Variants in PARD3B observed in about 807,000 individuals in gnomAD.
PARD3B encodes par-3 family cell polarity regulator beta, also known as partitioning defective 3 homolog B.
A neutral mutation model predicts 130.2 loss-of-function variants in PARD3B; 103 were observed. The observed-to-expected ratio is 0.79, with a 90% confidence interval of 0.67 to 0.93. The LOEUF is 0.93. PARD3B is among the 40% of genes least tolerant of loss of function. The pLI is 0.00. For missense variants in PARD3B, 1,609 were observed against 1,499.2 expected (o/e 1.07, Z -1.21); for synonymous variants, 583 against 553.2 (o/e 1.05, Z -0.76).
chr2:205,113,496 T>G lies in PARD3B; in HGVS notation c.599T>G (p.Met200Arg), dbSNP rs114801020. The change falls in exon 6 of 23, where the codon ATG becomes AGG. Residue 200 changes from methionine to arginine, a missense_variant. By Grantham distance (91) the Met-to-Arg change is moderately conservative. Coordinates refer to ENST00000406610, the MANE Select transcript of PARD3B (RefSeq NM_001302769.2). The part of the protein sequence containing the change: ...SPRTKDTLSD[M>R]TRTVEISGEG... The stretch of plus-strand genomic sequence containing the variant: ...CTTGTTTTTTTCTGCCCCAGTGATA[T>G]GACAAGAACAGTGGAGATTTCTGGG... The G allele has an allele frequency of 6.2e-7, 1 of 1,611,632 alleles. No individual in the cohort carries two copies. The highest frequency in any genetic ancestry group is 1.1e-5 in the South Asian group (1 of 90,692).
chr2:204,551,013 A>G (rs1280796761), intron 1 of PARD3B, among the ~76,000 whole-genome samples: 4 of 152,150 alleles, frequency 2.6e-5, no homozygotes, highest in Non-Finnish European at 5.9e-5. Flanking sequence ...TTTATTTCCT[A>G]TTCAGACCTC....
At chr2:204,818,416 TA>T (rs2043219670) in intron 2 of PARD3B, among the ~76,000 whole-genome samples, 1 of 152,170 alleles carries the variant, frequency 6.6e-6, no homozygotes, top group Non-Finnish European at 1.5e-5. Context: ...CTTTCTAAAA[TA>T]GGGGTTGTAG....
rs1475119414 is a variant in PARD3B at position 205,458,213 on chromosome 2, T to C, written c.3044+17541T>C. Among the ~76,000 whole-genome samples, 3 of 152,060 alleles carry C rather than the reference T, an allele frequency of 2.0e-5. No homozygotes were observed. The highest frequency in any genetic ancestry group is 4.4e-5 in the Non-Finnish European group (3 of 67,994). Reference sequence around the variant, plus strand: ...GTGTTCTTCATCATCTTTGAAAAATTCTCAGCTGGTCACACCTCTTCAGAA... The same window carrying C: ...GTGTTCTTCATCATCTTTGAAAAATCCTCAGCTGGTCACACCTCTTCAGAA... On this transcript the variant is annotated intron_variant, in intron 20 of 22. Transcript: ENST00000406610. This position sits in a 1 kb window ranked among gnomAD's most constrained non-coding sequence, Gnocchi z 4.8.
intron 2 of PARD3B, among the ~76,000 whole-genome samples, chr2:204,963,287 C>G (rs1395700444): frequency 6.6e-6 from 1 of 151,998 alleles, no homozygotes; most frequent in Non-Finnish European, 1.5e-5. Context: ...AGCAAAGTAT[C>G]TTAAGAAAAA....
intron 3 of PARD3B, among the ~76,000 whole-genome samples, chr2:205,041,260 T>A (rs1698380338): frequency 6.6e-6 from 1 of 152,184 alleles, no homozygotes; most frequent in African/African-American, 2.4e-5. Flanking sequence ...GTCTTTGGTT[T>A]CTCACGCATA....
At chr2:205,092,565 G>A (rs528556211) in intron 4 of PARD3B, among the ~76,000 whole-genome samples, 1 of 152,278 alleles carries the variant, frequency 6.6e-6, no homozygotes, top group South Asian at 2.1e-4. Context: ...AAAGAAGAAA[G>A]AGCAATGGAA....
intron 10 of PARD3B, among the ~76,000 whole-genome samples, chr2:205,134,963 A>C (rs1470776057): frequency 6.6e-6 from 1 of 151,388 alleles, no homozygotes; most frequent in African/African-American, 2.4e-5. Context: ...GACATTTCAG[A>C]AAACTGGGGC....
chr2:205,563,691 A>G lies in PARD3B; in HGVS notation c.3260+10288A>G, dbSNP rs1438899504. Among the ~76,000 whole-genome samples the G allele has an allele frequency of 6.6e-6, 1 of 152,224 alleles. No homozygotes were observed. Among genetic ancestry groups the G allele is most frequent in the Non-Finnish European group, 1.5e-5 (1 of 68,026 alleles). Reference sequence around the variant, plus strand: ...ATAAAATACAAGAAAATAGTAGGGAATTTATGGGAAATAAAGAAAAACACT... The same window carrying G: ...ATAAAATACAAGAAAATAGTAGGGAGTTTATGGGAAATAAAGAAAAACACT... On this transcript the variant is annotated intron_variant, in intron 22 of 22. Transcript: ENST00000406610. The surrounding 1 kb of genome is among the most constrained non-coding windows in gnomAD (Gnocchi z 4.2).
chr2:204,863,509 C>T (rs2045295123), intron 2 of PARD3B, among the ~76,000 whole-genome samples: 1 of 152,154 alleles, frequency 6.6e-6, no homozygotes. Context: ...TTAAAATTGT[C>T]ACAGCTTTGG....
At chr2:205,578,884 G>T (rs1387053920) in intron 22 of PARD3B, among the ~76,000 whole-genome samples, 1 of 152,128 alleles carries the variant, frequency 6.6e-6, no homozygotes, top group Non-Finnish European at 1.5e-5. Flanking sequence ...AAAGAATAAG[G>T]TAAGGGCCGT....
intron 20 of PARD3B, among the ~76,000 whole-genome samples, chr2:205,475,127 A>C (rs1034810251): frequency 1.3e-5 from 2 of 152,146 alleles, no homozygotes; most frequent in Admixed American, 6.6e-5. Flanking sequence ...GAACTAAGCT[A>C]TATCTACTTG....
intron 22 of PARD3B, among the ~76,000 whole-genome samples, chr2:205,577,845 C>T (rs2053817732): frequency 6.6e-6 from 1 of 152,158 alleles, no homozygotes. Flanking sequence ...TTTGGCCTGT[C>T]TTGTGGATTG....
intron 18 of PARD3B, among the ~76,000 whole-genome samples, chr2:205,356,985 T>C (rs10932107): frequency 0.6 from 91,749 of 151,962 alleles, 30,908 homozygotes; most frequent in South Asian, 0.77. Flanking sequence ...TTCCCCTAGA[T>C]TCAAACTATT....
At chr2:205,279,270 T>C in intron 16 of PARD3B, among the ~76,000 whole-genome samples, 1 of 152,090 alleles carries the variant, frequency 6.6e-6, no homozygotes, top group East Asian at 1.9e-4. Context: ...ATGTTTCCTC[T>C]GGATTTCCCA....
intron 20 of PARD3B, among the ~76,000 whole-genome samples, chr2:205,449,238 T>G (rs2048016288): frequency 6.6e-6 from 1 of 151,744 alleles, no homozygotes; most frequent in South Asian, 2.1e-4. Context: ...CTTTTTTTTT[T>G]GTTGTTTGGA....
At chr2:204,988,046 G>A (rs927419144) in intron 3 of PARD3B, among the ~76,000 whole-genome samples, 9 of 151,978 alleles carry the variant, frequency 5.9e-5, no homozygotes, top group Admixed American at 5.9e-4. Flanking sequence ...AGTCCAGTGG[G>A]GGTCATCACA....
chr2:205,166,084 C>A (rs898329208), intron 11 of PARD3B, among the ~76,000 whole-genome samples: 10 of 152,264 alleles, frequency 6.6e-5, no homozygotes, highest in Non-Finnish European at 1.5e-4. Flanking sequence ...TTAGCAAGCA[C>A]TTCTTGAACA....
At chr2:205,567,182 A>G (rs2053370705) in intron 22 of PARD3B, among the ~76,000 whole-genome samples, 1 of 152,056 alleles carries the variant, frequency 6.6e-6, no homozygotes, top group Non-Finnish European at 1.5e-5. Flanking sequence ...AATAATATGT[A>G]TGTATGTATA....
chr2:204,690,883 G>T (rs2037322743), intron 2 of PARD3B, among the ~76,000 whole-genome samples: 1 of 152,020 alleles, frequency 6.6e-6, no homozygotes, highest in African/African-American at 2.4e-5. Context: ...ACTTCAGATG[G>T]GTTCCTTGTT....
Sources: allele counts gnomAD v4.1 joint callset (sites outside exome capture counted in the v4.1 genomes callset), GRCh38; gene constraint gnomAD v4.1.1; non-coding constraint Gnocchi (gnomAD v3.1); transcripts MANE v1.5; gene names NCBI Gene and HGNC (gene_info 2026-07-23, HGNC 2026-07-21).